OPCML: variants seen among roughly 807,000 people sequenced by gnomAD.
The protein encoded by OPCML is opioid-binding protein/cell adhesion molecule.
Under a neutral mutation model 37.8 loss-of-function variants are expected in OPCML, and 13 were observed. The ratio of observed to expected loss-of-function variants is 0.34; its 90% CI spans 0.22 to 0.55. The LOEUF (loss-of-function observed/expected upper bound fraction) is 0.55, where lower values mean the gene tolerates loss of function less well. Among genes scored for constraint, OPCML ranks in the 20% least tolerant of loss-of-function variants. The pLI is 0.91. For synonymous variants in OPCML, 176 were observed against 168.8 expected, an observed-to-expected ratio of 1.04 and a Z score of -0.33; for missense variants, 341 against 435.6, an observed-to-expected ratio of 0.78 and a Z score of 1.93.
At chr11:133,497,903 G>A (rs1565668469) in intron 1 of OPCML, among the ~76,000 whole-genome samples, 1 of 152,194 alleles carries the variant, frequency 6.6e-6, no homozygotes, top group Non-Finnish European at 1.5e-5. Flanking sequence ...TCTCCCCACT[G>A]CAAGTGAATC....
intron 1 of OPCML, among the ~76,000 whole-genome samples, chr11:133,217,639 A>T (rs1008919864): frequency 6.6e-6 from 1 of 152,136 alleles, no homozygotes; most frequent in Non-Finnish European, 1.5e-5. Context: ...CTTCAGCCCA[A>T]TTCAGGGGAG....
At chr11:132,601,164 T>G (rs1365194237) in intron 3 of OPCML, among the ~76,000 whole-genome samples, 1 of 152,106 alleles carries the variant, frequency 6.6e-6, no homozygotes, top group Non-Finnish European at 1.5e-5. Flanking sequence ...CACCAACAAC[T>G]CTCTGTAAAC....
chr11:132,469,711 GA>G, intron 4 of OPCML, among the ~76,000 whole-genome samples: 1 of 140,240 alleles, frequency 7.1e-6, no homozygotes, highest in African/African-American at 2.7e-5. Flanking sequence ...TGTATGTGTG[GA>G]GGGGAGTGAG....
intron 3 of OPCML, among the ~76,000 whole-genome samples, chr11:132,583,998 T>G (rs887238242): frequency 6.6e-6 from 1 of 152,088 alleles, no homozygotes; most frequent in Admixed American, 6.6e-5. Context: ...ATGTGGCATC[T>G]AAGAATAAAA....
intron 1 of OPCML, among the ~76,000 whole-genome samples, chr11:133,011,326 T>C (rs1947207985): frequency 6.6e-6 from 1 of 152,160 alleles, no homozygotes; most frequent in African/African-American, 2.4e-5. Context: ...TTCAGAATAG[T>C]GAGGGCCAGT....
Position 133,124,538 on chromosome 11 carries a change from T to C in OPCML, c.62-181528A>G, listed in dbSNP as rs117035183. On this transcript the variant is annotated intron_variant, in intron 1 of 7. Transcript: ENST00000524381. Reference sequence around the variant, plus strand: ...TCCCTCAACAGTGTGAAAAATCTCATTAAAGCCTGACATTTGCTGAGCATC... The same window carrying C: ...TCCCTCAACAGTGTGAAAAATCTCACTAAAGCCTGACATTTGCTGAGCATC... Among the ~76,000 whole-genome samples, 902 of 152,222 alleles carry C rather than the reference T, an allele frequency of 5.9e-3. 2 individuals are homozygous for C. The highest frequency in any genetic ancestry group is 0.017 in the Middle Eastern group (5 of 294).
intron 1 of OPCML, among the ~76,000 whole-genome samples, chr11:133,025,726 ATTTTTTTTTTTTT>A (rs869296316): frequency 1.1e-5 from 1 of 91,342 alleles, no homozygotes; most frequent in African/African-American, 4.7e-5. Flanking sequence ...TGCCGATTTG[ATTTTTTTTTTTTT>A]TTTTTTTTTT....
chr11:133,075,630 A>G (rs1471650092), intron 1 of OPCML, among the ~76,000 whole-genome samples: 1 of 152,196 alleles, frequency 6.6e-6, no homozygotes, highest in Non-Finnish European at 1.5e-5. Context: ...TGGCCAGGAA[A>G]AAGCACGATC....
At chr11:132,735,487 GTTGTTGTTTTTT>G (rs1945222665) in intron 2 of OPCML, among the ~76,000 whole-genome samples, 1 of 152,024 alleles carries the variant, frequency 6.6e-6, no homozygotes, top group South Asian at 2.1e-4. Context: ...AATTGTTGTT[GTTGTTGTTTTTT>G]TTCTTGAGAC....
intron 2 of OPCML, among the ~76,000 whole-genome samples, chr11:132,901,411 T>C (rs1424260838): frequency 6.6e-6 from 1 of 152,124 alleles, no homozygotes; most frequent in Non-Finnish European, 1.5e-5. Flanking sequence ...AAGCGTGCAA[T>C]GGGAAAATAA....
At chr11:133,112,011 G>A (rs1471430116) in intron 1 of OPCML, among the ~76,000 whole-genome samples, 1 of 152,008 alleles carries the variant, frequency 6.6e-6, no homozygotes, top group Admixed American at 6.6e-5. Context: ...CACTGGATGG[G>A]GGAAATTGTC....
chr11:133,292,331 C>T (rs936933321), intron 1 of OPCML, among the ~76,000 whole-genome samples: 1 of 152,102 alleles, frequency 6.6e-6, no homozygotes, highest in African/African-American at 2.4e-5. Context: ...GTGGCTTTTC[C>T]GTTTCTTTCC....
Position 133,213,030 on chromosome 11 carries a change from A to C in OPCML, c.62-270020T>G, listed in dbSNP as rs78586373. 4.2e-3 allele frequency among the ~76,000 whole-genome samples: 633 copies of C among 152,228 alleles called. 15 individuals are homozygous for C. Among genetic ancestry groups the C allele is most frequent in the Admixed American group, 0.029 (445 of 15,300 alleles). Reference sequence around the variant, plus strand: ...AAACATGGGAAATTGAAAGTGTAGAAAGTTGTTCTGCAGCCAGACACCTCC... The same window carrying C: ...AAACATGGGAAATTGAAAGTGTAGACAGTTGTTCTGCAGCCAGACACCTCC... On this transcript the variant is annotated intron_variant, in intron 1 of 7. Transcript: ENST00000524381.
chr11:133,492,526 T>C (rs921885865), intron 1 of OPCML, among the ~76,000 whole-genome samples: 1 of 152,060 alleles, frequency 6.6e-6, no homozygotes, highest in African/African-American at 2.4e-5. Context: ...CTGGGGTTTT[T>C]TTAATAACAA....
intron 1 of OPCML, among the ~76,000 whole-genome samples, chr11:132,999,764 A>T (rs1946961231): frequency 6.6e-6 from 1 of 152,140 alleles, no homozygotes; most frequent in Admixed American, 6.5e-5. Context: ...AAAAGAAAAG[A>T]GCTACGAGAC....
chr11:132,435,365 C>T (rs962975794), intron 7 of OPCML: 43 of 393,262 alleles, frequency 1.1e-4, no homozygotes, highest in Non-Finnish European at 1.2e-4. Context: ...TCCTACTCAT[C>T]GGATGCTTCC....
intron 3 of OPCML, among the ~76,000 whole-genome samples, chr11:132,624,436 T>C (rs1041010148): frequency 2.6e-5 from 4 of 152,236 alleles, no homozygotes; most frequent in African/African-American, 4.8e-5. Flanking sequence ...GTAGAAATAC[T>C]CTTTTCTTAT....
intron 1 of OPCML, among the ~76,000 whole-genome samples, chr11:133,395,742 T>TGTA (rs1169899377): frequency 6.6e-6 from 1 of 152,238 alleles, no homozygotes; most frequent in African/African-American, 2.4e-5. Context: ...CATTGGTCTA[T>TGTA]GTATCTGTTT....
chr11:132,423,000 G>A (rs1053495486), intron 7 of OPCML, among the ~76,000 whole-genome samples: 4 of 152,142 alleles, frequency 2.6e-5, no homozygotes, highest in African/African-American at 9.7e-5. Context: ...TGACCTGTGA[G>A]GTCCTTCTTC....
Sources: allele counts gnomAD v4.1 joint callset (sites outside exome capture counted in the v4.1 genomes callset), GRCh38; gene constraint gnomAD v4.1.1; transcripts MANE v1.5; gene names NCBI Gene and HGNC (gene_info 2026-07-23, HGNC 2026-07-21).